The following CUX1 variants were observed in gnomAD, a reference collection of about 807,000 sequenced individuals.
The protein encoded by CUX1 is cut like homeobox 1, also known as protein CASP.
Under a neutral mutation model 158.8 loss-of-function variants are expected in CUX1, and 31 were observed. The ratio of observed to expected loss-of-function variants is 0.20; its 90% CI spans 0.15 to 0.26. The LOEUF is 0.26. Among genes scored for constraint, CUX1 ranks in the 10% least tolerant of loss-of-function variants. The probability of loss-of-function intolerance (pLI) is 1.00; values close to 1 mark genes in which losing one functional copy is unlikely to be tolerated. For missense variants in CUX1, 1,589 were observed against 2,014.6 expected (o/e 0.79, Z 4.04); for synonymous variants, 879 against 862.1 (o/e 1.02, Z -0.34).
intron 20 of CUX1, among the ~76,000 whole-genome samples, chr7:102,210,240 G>C (rs974137427): frequency 6.6e-6 from 1 of 152,092 alleles, no homozygotes; most frequent in South Asian, 2.1e-4. Flanking sequence ...GGGATTACAG[G>C]TGCCTGCCAC....
At chr7:102,217,372 C>G (rs1416471033) in intron 20 of CUX1, among the ~76,000 whole-genome samples, 1 of 152,266 alleles carries the variant, frequency 6.6e-6, no homozygotes, top group African/African-American at 2.4e-5. Flanking sequence ...CCCGGCAGGT[C>G]CCCTCCCCGC....
chr7:101,978,498 G>T (rs1812999694), intron 2 of CUX1, among the ~76,000 whole-genome samples: 1 of 152,198 alleles, frequency 6.6e-6, no homozygotes, highest in South Asian at 2.1e-4. Flanking sequence ...CACTGTCATG[G>T]CCACCCCACC....
chr7:102,125,895 C>T (rs113218041), intron 8 of CUX1: 1 of 151,964 alleles, frequency 6.6e-6, no homozygotes, highest in African/African-American at 2.4e-5. Context: ...GTGATATGAT[C>T]TTGGCTCACT....
intron 3 of CUX1, among the ~76,000 whole-genome samples, chr7:102,039,637 AGAGC>A (rs1272331700): frequency 6.6e-6 from 1 of 150,944 alleles, no homozygotes; most frequent in African/African-American, 2.4e-5. Flanking sequence ...TCTGGGCAAC[AGAGC>A]GAGACCCTGT....
intron 8 of CUX1, among the ~76,000 whole-genome samples, chr7:102,127,407 G>A (rs1832756012): frequency 6.6e-6 from 1 of 152,028 alleles, no homozygotes. Context: ...GTCTTGCCGT[G>A]TTGCCCAGGC....
intron 2 of CUX1, among the ~76,000 whole-genome samples, chr7:101,954,496 A>G (rs1354803571): frequency 2.0e-5 from 3 of 152,220 alleles, no homozygotes; most frequent in Admixed American, 2.0e-4. Context: ...GGAGAATCCC[A>G]AGGAAAAAAA....
chr7:102,077,581 C>G (rs1046288035), intron 4 of CUX1, among the ~76,000 whole-genome samples: 1 of 149,020 alleles, frequency 6.7e-6, no homozygotes, highest in Non-Finnish European at 1.5e-5. Flanking sequence ...GCCTCTGTCT[C>G]TAGTTCAAGA....
At chr7:101,863,687 C>T (rs569318093) in intron 1 of CUX1, among the ~76,000 whole-genome samples, 3 of 152,254 alleles carry the variant, frequency 2.0e-5, no homozygotes, top group African/African-American at 7.2e-5. Flanking sequence ...AAACTCTGCA[C>T]CCATTAAACA....
At chr7:102,264,013 T>G (rs1451344447) in intron 14 of CUX1, among the ~76,000 whole-genome samples, 1 of 145,548 alleles carries the variant, frequency 6.9e-6, no homozygotes, top group Non-Finnish European at 1.5e-5. Context: ...TCTTTTTTTT[T>G]TTTTTTTTTT....
intron 1 of CUX1, among the ~76,000 whole-genome samples, chr7:101,866,581 A>G (rs1479539154): frequency 6.6e-6 from 1 of 152,002 alleles, no homozygotes; most frequent in Non-Finnish European, 1.5e-5. Flanking sequence ...GCAGTGAGTC[A>G]TGATCATACC....
chr7:101,945,567 G>C (rs1808267766), intron 2 of CUX1, among the ~76,000 whole-genome samples: 1 of 152,200 alleles, frequency 6.6e-6, no homozygotes, highest in South Asian at 2.1e-4. Context: ...CTGGCCTCGT[G>C]GAGCTGATGT....
intron 8 of CUX1, chr7:102,115,558 G>A (rs1276441320): frequency 1.2e-5 from 4 of 321,176 alleles, no homozygotes; most frequent in Middle Eastern, 8.3e-4. Context: ...GACATTTTTT[G>A]TGTGGAGTTG....
At chr7:102,276,230 T>C (rs1791597609) in intron 17 of CUX1, among the ~76,000 whole-genome samples, 1 of 152,182 alleles carries the variant, frequency 6.6e-6, no homozygotes, top group South Asian at 2.1e-4. Flanking sequence ...CTAGATCCTA[T>C]GGTAATTCTA....
chr7:101,845,115 C>T (rs1177013584), intron 1 of CUX1, among the ~76,000 whole-genome samples: 3 of 152,004 alleles, frequency 2.0e-5, no homozygotes, highest in Non-Finnish European at 4.4e-5. Context: ...ACCCACTGTA[C>T]AGGTGTCAAC....
At chr7:102,140,736 A>G (rs1554499965) in intron 8 of CUX1, among the ~76,000 whole-genome samples, 2 of 151,868 alleles carry the variant, frequency 1.3e-5, no homozygotes, top group Non-Finnish European at 2.9e-5. Context: ...GTGGTGGTGC[A>G]CGCCTGTAAT....
At chr7:101,958,628 G>A (rs747990948) in intron 2 of CUX1, among the ~76,000 whole-genome samples, 6 of 151,286 alleles carry the variant, frequency 4.0e-5, no homozygotes, top group South Asian at 2.1e-4. Flanking sequence ...TTACAGGTGC[G>A]CACCACCATG....
At chr7:102,073,161 C>CTTTCTTTTT (rs1826326180) in intron 4 of CUX1, among the ~76,000 whole-genome samples, 2 of 47,082 alleles carry the variant, frequency 4.2e-5, no homozygotes, top group Non-Finnish European at 7.9e-5. Context: ...AATCTCTTTT[C>CTTTCTTTTT]TTTCTTTTTT....
intron 2 of CUX1, among the ~76,000 whole-genome samples, chr7:101,926,983 C>CAA (rs1805664301): frequency 6.6e-6 from 1 of 152,044 alleles, no homozygotes. Context: ...TGGCAGTGGC[C>CAA]AAGTAAACAA....
At chr7:102,053,157 A>G (rs549040430) in intron 3 of CUX1, among the ~76,000 whole-genome samples, 1 of 152,268 alleles carries the variant, frequency 6.6e-6, no homozygotes, top group Non-Finnish European at 1.5e-5. Flanking sequence ...ATGTTGTGGT[A>G]TCTCATTGTG....
Sources: allele counts gnomAD v4.1 joint callset (sites outside exome capture counted in the v4.1 genomes callset), GRCh38; gene constraint gnomAD v4.1.1; transcripts MANE v1.5; gene names NCBI Gene and HGNC (gene_info 2026-07-23, HGNC 2026-07-21).